The following SREBF2 variants were observed in gnomAD, a reference collection of about 807,000 sequenced individuals.
The protein encoded by SREBF2 is sterol regulatory element binding transcription factor 2, also known as sterol regulatory element-binding protein 2.
Under a neutral mutation model 113.1 loss-of-function variants are expected in SREBF2, and 55 were observed. That is an observed-to-expected ratio of 0.49 (90% CI 0.39 to 0.61). SREBF2 has a LOEUF of 0.61. Ranked by LOEUF, SREBF2 falls within the 20% of genes least tolerant of loss-of-function variation. SREBF2 has a pLI of 0.00. For synonymous variants in SREBF2, 593 were observed against 605.7 expected (o/e 0.98, Z 0.31); for missense variants, 1,349 against 1,487.4 (o/e 0.91, Z 1.53).
At chr22:41,896,991 C>T (rs1455199592) in intron 13 of SREBF2, 61 bp from the exon 14 acceptor site, 3 of 1,190,426 alleles carry the variant, frequency 2.5e-6, no homozygotes, top group East Asian at 2.4e-5. Context: ...AACAGCTAGG[C>T]CATGAGGTGG....
chr22:41,900,531 G>GC, intron 16 of SREBF2, 33 bp downstream of exon 16: 1 of 1,608,076 alleles, frequency 6.2e-7, no homozygotes, highest in Non-Finnish European at 8.5e-7. Context: ...CCTGGGGGAG[G>GC]TGCTCTGCAC....
In SREBF2 at chr22:41,833,178, G is replaced by T; in HGVS notation, c.-93G>T. On this transcript the variant is annotated 5_prime_UTR_variant, in exon 1 of 19. Coordinates refer to ENST00000361204, the MANE Select transcript of SREBF2 (RefSeq NM_004599.4). This position sits in a 1 kb window ranked among gnomAD's most constrained non-coding sequence, Gnocchi z 4.1. ...CCCGTCGGTGAGGCGGTGCCGGGCG[G>T]GGGTTGTCGGGTGTCATGGGCGGTG... The T allele has an allele frequency of 2.0e-6, 2 of 979,934 alleles. No individual in the cohort carries two copies. Among genetic ancestry groups the T allele is most frequent in the Non-Finnish European group, 2.9e-6 (2 of 699,878 alleles). 60.7% of individuals were successfully genotyped at this position (979,934 alleles called of 1,614,324 possible).
intron 18 of SREBF2, 30 bp downstream of exon 18, chr22:41,905,004 T>C: frequency 1.3e-6 from 2 of 1,552,626 alleles, no homozygotes; most frequent in Non-Finnish European, 1.7e-6. Context: ...GCTCACAGGC[T>C]GGGCCAGGCC....
rs1365709921 is a variant in SREBF2, at chr22:41,880,871, G to A, written c.1917G>A (p.Lys639=). The A allele has an allele frequency of 1.2e-6, 2 of 1,613,910 alleles. No individual in the cohort carries two copies. Among genetic ancestry groups the A allele is most frequent in the East Asian group, 2.2e-5 (1 of 44,890 alleles). ...QKLRLVRWLL[K]KVFQCRRATP... ...TACGCCTGGTGCGCTGGCTGCTCAAGAAAGTCTTCCAGTGCCGGCGGGCCA... is the reference window on the plus strand; with the variant it reads ...TACGCCTGGTGCGCTGGCTGCTCAAAAAAGTCTTCCAGTGCCGGCGGGCCA... The change falls in exon 10 of 19, where the codon AAG becomes AAA. Residue 639 remains lysine, a synonymous_variant. Coordinates refer to ENST00000361204, the MANE Select transcript of SREBF2 (RefSeq NM_004599.4).
intron 1 of SREBF2, among the ~76,000 whole-genome samples, chr22:41,841,382 C>A (rs1191358680): frequency 6.6e-6 from 1 of 152,152 alleles, no homozygotes; most frequent in East Asian, 1.9e-4. Flanking sequence ...TATTTTCCAC[C>A]CATTTTTGTC....
chr22:41,903,405 T>C (rs565426440), intron 17 of SREBF2, among the ~76,000 whole-genome samples: 1 of 152,232 alleles, frequency 6.6e-6, no homozygotes, highest in African/African-American at 2.4e-5. Flanking sequence ...GGCCACACTT[T>C]GCTGCCACAG....
At chr22:41,900,267 C>G in intron 15 of SREBF2, 63 bp from the exon 16 acceptor site, 1 of 1,592,066 alleles carries the variant, frequency 6.3e-7, no homozygotes, top group South Asian at 1.1e-5. Flanking sequence ...GGCTTGGGCC[C>G]CTCTGCCTGT....
At chr22:41,888,159 TC>T (rs1323573226) in intron 11 of SREBF2, among the ~76,000 whole-genome samples, 1 of 152,238 alleles carries the variant, frequency 6.6e-6, no homozygotes, top group African/African-American at 2.4e-5. Flanking sequence ...AGATTATTAG[TC>T]TTTTCCTTTA....
At position 41,905,787 on chromosome 22, in the gene SREBF2, C is replaced by G; in HGVS notation, c.*127C>G. 1 of 1,089,022 alleles carries G rather than the reference C, an allele frequency of 9.2e-7. No individual in the cohort carries two copies. The highest frequency in any genetic ancestry group is 1.4e-6 in the Non-Finnish European group (1 of 727,798). The allele number at this position is 1,089,022 out of a possible 1,614,324, so 67.5% of individuals were successfully genotyped here. A position where few individuals can be genotyped will look rare whatever the true frequency, so the allele number is the denominator to read the frequency against. The stretch of plus-strand genomic sequence containing the variant: ...CTGTCACCTGCCGAGGCTTCTGGGC[C>G]ACTCAGGCCAGTGCACCCCTGGGCA... On this transcript the variant is annotated 3_prime_UTR_variant, in exon 19 of 19. Coordinates refer to ENST00000361204, the MANE Select transcript of SREBF2 (RefSeq NM_004599.4).
chr22:41,853,603 G>A (rs2076951533), intron 1 of SREBF2, among the ~76,000 whole-genome samples: 1 of 152,122 alleles, frequency 6.6e-6, no homozygotes. Flanking sequence ...AAATCCTTCT[G>A]TATTTACATA....
chr22:41,868,511 T>G (rs1188789584), intron 2 of SREBF2, 100 bp from the exon 3 acceptor site: 1 of 1,370,754 alleles, frequency 7.3e-7, no homozygotes, highest in African/African-American at 1.4e-5. Flanking sequence ...GGTGGGGAGT[T>G]GGAATCATTA....
At chr22:41,885,306 A>G (rs1002600020) in intron 11 of SREBF2, among the ~76,000 whole-genome samples, 5 of 152,212 alleles carry the variant, frequency 3.3e-5, no homozygotes, top group Admixed American at 1.3e-4. Context: ...GAGCTACTGT[A>G]CTTGGGGGTT....
At chr22:41,878,612 T>A in intron 9 of SREBF2, 1 of 1,229,776 alleles carries the variant, frequency 8.1e-7, no homozygotes, top group Non-Finnish European at 1.1e-6. Context: ...CCAGGAAAGG[T>A]TTTTGAGCAG....
intron 14 of SREBF2, 77 bp downstream of exon 14, chr22:41,897,238 G>C: frequency 2.1e-6 from 2 of 952,936 alleles, no homozygotes; most frequent in Non-Finnish European, 3.2e-6. Flanking sequence ...CAGGGGTCCA[G>C]GGCGTTAGGA....
chr22:41,905,349 G>A (rs1008678146), intron 18 of SREBF2, 91 bp from the exon 19 acceptor site: 6 of 1,245,114 alleles, frequency 4.8e-6, no homozygotes, highest in Non-Finnish European at 6.8e-6. Context: ...GGATGGATGT[G>A]AGCGTTCAGT....
At position 41,833,416 on chromosome 22, in the gene SREBF2, G is replaced by C; in HGVS notation, c.88+58G>C. ...GCGCGGGGAGGAAGGGGTTACGGCG[G>C]CGCGCCCGGGTGCGCGTGCGCCCAC... On this transcript the variant is annotated intron_variant, in intron 1 of 18. Coordinates refer to ENST00000361204, the MANE Select transcript of SREBF2 (RefSeq NM_004599.4). The surrounding 1 kb of genome is among the most constrained non-coding windows in gnomAD (Gnocchi z 4.1). 2 of 1,460,800 alleles carry C rather than the reference G, an allele frequency of 1.4e-6. No individual in the cohort carries two copies. The highest frequency in any genetic ancestry group is 1.8e-6 in the Non-Finnish European group (2 of 1,083,970). 90.5% of individuals were successfully genotyped at this position (1,460,800 alleles called of 1,614,324 possible).
At position 41,903,104 on chromosome 22, in the gene SREBF2, C is replaced by T; in HGVS notation, c.3042C>T (p.Asp1014=). 1.3e-6 allele frequency: 2 copies of T among 1,569,446 alleles called. No homozygotes were observed. The highest frequency in any genetic ancestry group is 2.4e-5 in the East Asian group (1 of 42,024). The change falls in exon 17 of 19, where the codon GAC becomes GAT. Residue 1014 remains aspartate, a synonymous_variant. Transcript: ENST00000361204. The part of the protein sequence containing the change: ...SGAELAGFQR[D]LGSLRRLAHS... ...CTGAACTGGCGGGCTTCCAACGGGA[C>T]CTGGGCAGCCTGCGCAGGCTGGCAC...
intron 16 of SREBF2, chr22:41,901,050 G>T (rs1269714939): frequency 4.1e-6 from 2 of 492,870 alleles, no homozygotes; most frequent in African/African-American, 3.9e-5. Context: ...CCTGACTGAA[G>T]GCCCTATCAG....
At chr22:41,897,304 A>C (rs1395868352) in intron 14 of SREBF2, 143 bp downstream of exon 14, 2 of 594,050 alleles carry the variant, frequency 3.4e-6, no homozygotes, top group African/African-American at 3.7e-5. Context: ...GCTCCAGTTC[A>C]CAGTCACCCC....
Sources: gnomAD v4.1 joint callset for allele counts (sites outside exome capture counted in the v4.1 genomes callset) on GRCh38, gnomAD v4.1.1 for gene constraint, Gnocchi (gnomAD v3.1) non-coding constraint, MANE v1.5 for transcripts, NCBI Gene and HGNC (gene_info 2026-07-23, HGNC 2026-07-21) for gene names.